Variants in STAG1 observed in about 807,000 individuals in gnomAD.
STAG1 encodes STAG1 cohesin complex component, also known as cohesin subunit SA-1.
In STAG1, 26 loss-of-function variants were observed where a neutral mutation model predicts 170.9. The observed-to-expected ratio is 0.15, with a 90% CI of 0.11 to 0.21. STAG1 has a LOEUF of 0.21. Among genes scored for constraint, STAG1 ranks in the 10% least tolerant of loss-of-function variants. STAG1 has a pLI of 1.00. For synonymous variants in STAG1, 514 were observed against 497.7 expected, an observed-to-expected ratio of 1.03 and a Z score of -0.44; for missense variants, 964 against 1,509.5, an observed-to-expected ratio of 0.64 and a Z score of 5.99.
At chr3:136,508,410 G>A (rs1933877259) in intron 7 of STAG1, among the ~76,000 whole-genome samples, 1 of 152,148 alleles carries the variant, frequency 6.6e-6, no homozygotes, top group Non-Finnish European at 1.5e-5. Context: ...GTCCTAGGCT[G>A]AGCATGATGG....
At chr3:136,560,693 G>A (rs927807836) in intron 5 of STAG1, among the ~76,000 whole-genome samples, 1 of 152,164 alleles carries the variant, frequency 6.6e-6, no homozygotes, top group Admixed American at 6.6e-5. Context: ...GACTACAGAC[G>A]TTTCAGCAGA....
At chr3:136,439,681 A>G (rs2088574918) in intron 15 of STAG1, among the ~76,000 whole-genome samples, 1 of 152,136 alleles carries the variant, frequency 6.6e-6, no homozygotes, top group Non-Finnish European at 1.5e-5. Context: ...TTTAGATGCC[A>G]CTCCATGCCA....
intron 4 of STAG1, among the ~76,000 whole-genome samples, chr3:136,575,053 T>C (rs926246331): frequency 6.6e-6 from 1 of 152,196 alleles, no homozygotes; most frequent in Non-Finnish European, 1.5e-5. Flanking sequence ...TGTTTGGTAA[T>C]GAGAAAATTT....
chr3:136,539,487 ATG>A (rs1372183254), intron 6 of STAG1, among the ~76,000 whole-genome samples: 4 of 152,216 alleles, frequency 2.6e-5, no homozygotes, highest in African/African-American at 4.8e-5. Flanking sequence ...AATATATTAA[ATG>A]TGTTTTGTTA....
chr3:136,676,974 TC>T (rs1431460163), intron 1 of STAG1, among the ~76,000 whole-genome samples: 1 of 152,140 alleles, frequency 6.6e-6, no homozygotes, highest in Non-Finnish European at 1.5e-5. Context: ...CCACATGCTG[TC>T]CCACTGGAAA....
intron 22 of STAG1, among the ~76,000 whole-genome samples, chr3:136,396,520 C>CTTTTTTTTTTTTTTTTTTTTTTTTTTTTT (rs146270857): frequency 2.3e-5 from 1 of 43,638 alleles, no homozygotes; most frequent in Non-Finnish European, 3.7e-5. Flanking sequence ...CGCGCCTGGC[C>CTTTTTTTTTTTTTTTTTTTTTTTTTTTTT]TTTTTTTTTT....
intron 1 of STAG1, among the ~76,000 whole-genome samples, chr3:136,634,895 T>C (rs951601480): frequency 6.6e-6 from 1 of 151,924 alleles, no homozygotes; most frequent in Non-Finnish European, 1.5e-5. Flanking sequence ...TAGTAACATA[T>C]TAAATGGACA....
chr3:136,519,635 AT>A (rs1009260480), intron 7 of STAG1, among the ~76,000 whole-genome samples: 1 of 152,088 alleles, frequency 6.6e-6, no homozygotes, highest in Non-Finnish European at 1.5e-5. Context: ...AACAGAAAGT[AT>A]AAAGAAAAGA....
intron 1 of STAG1, among the ~76,000 whole-genome samples, chr3:136,654,325 A>G (rs924050952): frequency 9.2e-5 from 14 of 152,244 alleles, no homozygotes; most frequent in Admixed American, 3.9e-4. Flanking sequence ...AAAAAAAATC[A>G]GTTGCATTTC....
Position 136,737,177 on chromosome 3 carries a change from C to T in STAG1, c.-84+15018G>A. On this transcript the variant is annotated intron_variant, in intron 1 of 33. Transcript: ENST00000383202. ...TTTGTTTCACCTCACTGTAGAAGGT[C>T]ATAAATGCTGCCTCCGCCACACGAA... The T allele has an allele frequency of 4.0e-6, 3 of 743,506 alleles. No individual in the cohort carries two copies. In the South Asian group the frequency reaches 4.1e-5, roughly 10 times the overall value. 46.1% of individuals were successfully genotyped at this position (743,506 alleles called of 1,614,324 possible). A position where few individuals can be genotyped will look rare whatever the true frequency, so the allele number is the denominator to read the frequency against.
intron 25 of STAG1, among the ~76,000 whole-genome samples, chr3:136,365,773 T>C (rs1419709108): frequency 1.3e-5 from 2 of 152,140 alleles, no homozygotes; most frequent in Non-Finnish European, 1.5e-5. Flanking sequence ...GATCATGACA[T>C]TTTCTTTTAG....
chr3:136,574,491 CAT>C (rs2107769845), intron 4 of STAG1, among the ~76,000 whole-genome samples: 1 of 152,166 alleles, frequency 6.6e-6, no homozygotes, highest in Admixed American at 6.5e-5. Context: ...CATATACACA[CAT>C]ATACACACAC....
chr3:136,387,704 C>T (rs1337952855), intron 22 of STAG1, among the ~76,000 whole-genome samples: 1 of 152,064 alleles, frequency 6.6e-6, no homozygotes, highest in African/African-American at 2.4e-5. Context: ...AAATGTAATA[C>T]CTAGTTTTCA....
intron 9 of STAG1, among the ~76,000 whole-genome samples, chr3:136,491,949 C>T (rs866909257): frequency 1.1e-4 from 17 of 152,124 alleles, no homozygotes; most frequent in African/African-American, 3.9e-4. Context: ...CCCAAGATCA[C>T]GCTGCTGCAC....
chr3:136,379,658 G>A (rs1247513528), intron 22 of STAG1, among the ~76,000 whole-genome samples: 1 of 152,076 alleles, frequency 6.6e-6, no homozygotes, highest in Admixed American at 6.6e-5. Flanking sequence ...GCAGTGAGCC[G>A]AGACTGCGCC....
intron 3 of STAG1, among the ~76,000 whole-genome samples, chr3:136,619,319 A>G (rs1939738731): frequency 6.7e-6 from 1 of 149,608 alleles, no homozygotes; most frequent in Non-Finnish European, 1.5e-5. Flanking sequence ...CAGAAGACAC[A>G]CTAGATAAAA....
intron 1 of STAG1, chr3:136,721,466 T>C (rs1273974986): frequency 1.3e-5 from 2 of 152,226 alleles, no homozygotes. Context: ...ATGGTTCCCA[T>C]TTTAGTGTAT....
chr3:136,383,862 G>A (rs1938112349), intron 22 of STAG1, among the ~76,000 whole-genome samples: 1 of 151,292 alleles, frequency 6.6e-6, no homozygotes, highest in African/African-American at 2.4e-5. Flanking sequence ...GGCTGAGGCA[G>A]GAGAATGGCA....
intron 1 of STAG1, among the ~76,000 whole-genome samples, chr3:136,678,998 A>C (rs1231340205): frequency 1.3e-5 from 2 of 149,206 alleles, no homozygotes; most frequent in Non-Finnish European, 3.0e-5. Flanking sequence ...ATACTTCACA[A>C]AAAAAAAAAA....
Sources: gnomAD v4.1 joint callset for allele counts (sites outside exome capture counted in the v4.1 genomes callset) on GRCh38, gnomAD v4.1.1 for gene constraint, MANE v1.5 for transcripts, NCBI Gene and HGNC (gene_info 2026-07-23, HGNC 2026-07-21) for gene names.